Variants in ZBTB40 observed in about 807,000 individuals in gnomAD.
ZBTB40 encodes the protein zinc finger and BTB domain containing 40.
A neutral mutation model predicts 117.5 loss-of-function variants in ZBTB40; 60 were observed. The observed-to-expected ratio is 0.51, with a 90% CI of 0.41 to 0.63. ZBTB40 has a LOEUF of 0.63. ZBTB40 is among the 30% of genes least tolerant of loss of function. The probability of loss-of-function intolerance (pLI) is 0.00; values close to 1 mark genes in which losing one functional copy is unlikely to be tolerated. For synonymous variants in ZBTB40, 525 were observed against 577.1 expected (o/e 0.91, Z 1.29); for missense variants, 1,287 against 1,498.5 (o/e 0.86, Z 2.33).
chr1:22,523,899 C>T (rs1392866705), intron 16 of ZBTB40, among the ~76,000 whole-genome samples: 1 of 152,160 alleles, frequency 6.6e-6, no homozygotes, highest in Non-Finnish European at 1.5e-5. Context: ...AATATAGTAT[C>T]GTCAGCATCT....
chr1:22,442,464 T>G (rs1406255041), intron 1 of ZBTB40, among the ~76,000 whole-genome samples: 1 of 152,136 alleles, frequency 6.6e-6, no homozygotes, highest in Admixed American at 6.5e-5. Context: ...GAGGCAGCCC[T>G]GAGCTTACAA....
At chr1:22,452,490 TC>T (rs1640902910) in intron 1 of ZBTB40, among the ~76,000 whole-genome samples, 1 of 152,212 alleles carries the variant, frequency 6.6e-6, no homozygotes. Flanking sequence ...TTCTATGAAA[TC>T]AAGTCCATAA....
rs746814486 is a variant in ZBTB40, at chr1:22,512,067, CAAG to C, written c.2408_2410del (p.Lys803del). On this transcript the variant is annotated inframe_deletion, in exon 11 of 18. Coordinates refer to ENST00000375647, the MANE Select transcript of ZBTB40 (RefSeq NM_014870.4). ...GTGCAGGTGGAGAGCCCGATGCCCC[CAAG>C]AAGAAGAAGAAGAGGCTTCCAGTGA... is the stretch of plus-strand genomic sequence containing the variant. The C allele has an allele frequency of 9.9e-5, 159 of 1,598,574 alleles. No individual in the cohort carries two copies. Among genetic ancestry groups the C allele is most frequent in the Middle Eastern group, 3.4e-4 (2 of 5,860 alleles).
chr1:22,506,082 A>G lies in ZBTB40; in HGVS notation c.1201A>G (p.Lys401Glu). The G allele has an allele frequency of 6.2e-7, 1 of 1,614,168 alleles. No individual in the cohort carries two copies. Among genetic ancestry groups the G allele is most frequent in the Middle Eastern group, 1.6e-4 (1 of 6,062 alleles). Residue 401 changes from lysine (K) to glutamate (E), a missense_variant, in exon 6 of 18, where the codon AAG becomes GAG. Transcript: ENST00000375647. ...GAATTGCTGTGAGGGCAGAACACCCAAGGAGACAATAGAAAATTTGTTGCA... is the reference window on the plus strand; with the variant it reads ...GAATTGCTGTGAGGGCAGAACACCCGAGGAGACAATAGAAAATTTGTTGCA... ...ILNCCEGRTP[K>E]ETIENLLHRM...
intron 1 of ZBTB40, among the ~76,000 whole-genome samples, chr1:22,472,911 A>T (rs2124406986): frequency 6.6e-6 from 1 of 152,348 alleles, no homozygotes; most frequent in Admixed American, 6.5e-5. Context: ...GGTTGGTACC[A>T]GGAGGCCACA....
At chr1:22,510,572 T>A (rs1162386557) in intron 9 of ZBTB40, among the ~76,000 whole-genome samples, 1 of 152,250 alleles carries the variant, frequency 6.6e-6, no homozygotes. Context: ...TACCGACTCT[T>A]TCTGCTGATA....
intron 1 of ZBTB40, among the ~76,000 whole-genome samples, chr1:22,480,544 G>T (rs66471651): frequency 6.6e-6 from 1 of 151,536 alleles, no homozygotes; most frequent in South Asian, 2.1e-4. Flanking sequence ...TAGAGACGGG[G>T]TTTCATCGTG....
chr1:22,476,484 T>TGCTGG (rs1216819684), intron 1 of ZBTB40, among the ~76,000 whole-genome samples: 2 of 152,222 alleles, frequency 1.3e-5, no homozygotes, highest in African/African-American at 4.8e-5. Flanking sequence ...CCTCCCAAAG[T>TGCTGG]GCTGGGATTA....
intron 12 of ZBTB40, among the ~76,000 whole-genome samples, 173 bp from the exon 13 acceptor site, chr1:22,517,127 G>T (rs951755862): frequency 6.6e-6 from 1 of 152,162 alleles, no homozygotes; most frequent in Non-Finnish European, 1.5e-5. Context: ...TGTTTGTGAG[G>T]TGCCATGTGA....
At chr1:22,429,337 C>T (rs572509076) in intron 1 of ZBTB40, among the ~76,000 whole-genome samples, 24 of 152,028 alleles carry the variant, frequency 1.6e-4, no homozygotes, top group African/African-American at 4.3e-4. Context: ...GCCGACATAG[C>T]GCCGTTGCAC....
At chr1:22,455,891 A>G (rs1640993397) in intron 1 of ZBTB40, among the ~76,000 whole-genome samples, 1 of 152,142 alleles carries the variant, frequency 6.6e-6, no homozygotes, top group Non-Finnish European at 1.5e-5. Flanking sequence ...TTGAACTGAA[A>G]TAAAATAGAT....
intron 1 of ZBTB40, among the ~76,000 whole-genome samples, chr1:22,465,246 G>GC (rs1641225284): frequency 6.6e-6 from 1 of 152,166 alleles, no homozygotes; most frequent in South Asian, 2.1e-4. Flanking sequence ...CAAAGAGGAG[G>GC]CCCTGGAGAG....
intron 1 of ZBTB40, among the ~76,000 whole-genome samples, chr1:22,442,283 A>G (rs975278235): frequency 6.6e-6 from 1 of 152,158 alleles, no homozygotes; most frequent in African/African-American, 2.4e-5. Context: ...TAGATCTGTA[A>G]GGTTAGCCGA....
chr1:22,449,494 C>G (rs2124373004), upstream of ZBTB40, among the ~76,000 whole-genome samples: 1 of 152,326 alleles, frequency 6.6e-6, no homozygotes, highest in South Asian at 2.1e-4. Flanking sequence ...TGTTCATGAA[C>G]TGTAGGCAAG....
At chr1:22,459,399 A>ATT (rs1641081116) in intron 1 of ZBTB40, among the ~76,000 whole-genome samples, 1 of 152,220 alleles carries the variant, frequency 6.6e-6, no homozygotes, top group Non-Finnish European at 1.5e-5. Flanking sequence ...GGTTTGAGGA[A>ATT]GGATCTGATT....
At chr1:22,483,408 C>T (rs563214602) in intron 1 of ZBTB40, among the ~76,000 whole-genome samples, 10 of 152,278 alleles carry the variant, frequency 6.6e-5, no homozygotes, top group East Asian at 1.9e-4. Flanking sequence ...GCATTCCCAC[C>T]GGCATTGAAT....
At chr1:22,512,879 A>G (rs758634275) in intron 11 of ZBTB40, 45 bp from the exon 12 acceptor site, 86 of 1,602,324 alleles carry the variant, frequency 5.4e-5, no homozygotes, top group Middle Eastern at 1.6e-4. Flanking sequence ...CCTAACACTG[A>G]TTAGTAGCAT....
At chr1:22,442,499 G>C (rs1026050952) in intron 1 of ZBTB40, among the ~76,000 whole-genome samples, 4 of 152,134 alleles carry the variant, frequency 2.6e-5, no homozygotes, top group African/African-American at 7.2e-5. Context: ...ATGGGGGAGA[G>C]AGACCCTGGG....
intron 1 of ZBTB40, among the ~76,000 whole-genome samples, chr1:22,487,963 C>T (rs567493603): frequency 6.6e-6 from 1 of 152,296 alleles, no homozygotes; most frequent in African/African-American, 2.4e-5. Context: ...ATCCTCCTGC[C>T]TGCTACCACG....
Sources: gnomAD v4.1 joint callset for allele counts (sites outside exome capture counted in the v4.1 genomes callset) on GRCh38, gnomAD v4.1.1 for gene constraint, MANE v1.5 for transcripts, NCBI Gene and HGNC (gene_info 2026-07-23, HGNC 2026-07-21) for gene names.